The following GRIP1 variants were observed in gnomAD, a reference collection of about 807,000 sequenced individuals.
The protein encoded by GRIP1 is glutamate receptor-interacting protein 1.
A neutral mutation model predicts 129.9 loss-of-function variants in GRIP1; 45 were observed. That is an observed-to-expected ratio of 0.35 (90% confidence interval 0.27 to 0.44). The LOEUF is 0.44. Among genes scored for constraint, GRIP1 ranks in the 20% least tolerant of loss-of-function variants. GRIP1 has a pLI of 1.00. For synonymous variants in GRIP1, 530 were observed against 520.8 expected (o/e 1.02, Z -0.24); for missense variants, 1,196 against 1,396.8 (o/e 0.86, Z 2.29).
At chr12:66,952,608 T>C (rs2041775635) in intron 1 of GRIP1, among the ~76,000 whole-genome samples, 1 of 152,226 alleles carries the variant, frequency 6.6e-6, no homozygotes, top group Non-Finnish European at 1.5e-5. Flanking sequence ...CTCTTAGCTA[T>C]GGTAAAACAG....
chr12:66,918,438 G>C (rs191809299), intron 1 of GRIP1, among the ~76,000 whole-genome samples: 4 of 152,234 alleles, frequency 2.6e-5, no homozygotes, highest in African/African-American at 9.6e-5. Context: ...ACCCTCATGA[G>C]AACACTAGAA....
chr12:66,694,237 T>A (rs2035075789), intron 1 of GRIP1, among the ~76,000 whole-genome samples: 1 of 152,198 alleles, frequency 6.6e-6, no homozygotes. Context: ...ATCCCTGACA[T>A]GGGCTAAGCA....
At chr12:67,066,888 T>TTTTTATATATATATATA (rs59891449) in intron 1 of GRIP1, among the ~76,000 whole-genome samples, 1 of 125,662 alleles carries the variant, frequency 8.0e-6, no homozygotes, top group Non-Finnish European at 1.6e-5. Context: ...AAATATATAT[T>TTTTTATATATATATATA]TATATATATA....
At chr12:66,349,764 T>C (rs1166525488) in intron 24 of GRIP1, among the ~76,000 whole-genome samples, 4 of 151,906 alleles carry the variant, frequency 2.6e-5, no homozygotes, top group African/African-American at 9.6e-5. Context: ...GGAGGATCGC[T>C]TGATGCCAGG....
At chr12:66,927,041 C>T (rs1044757883) in intron 1 of GRIP1, among the ~76,000 whole-genome samples, 1 of 152,170 alleles carries the variant, frequency 6.6e-6, no homozygotes, top group East Asian at 1.9e-4. Flanking sequence ...AGGGCTTCTA[C>T]GACATAGACA....
At chr12:66,529,032 A>G (rs575877944) in intron 5 of GRIP1, among the ~76,000 whole-genome samples, 3 of 151,954 alleles carry the variant, frequency 2.0e-5, no homozygotes, top group Non-Finnish European at 3.0e-5. Context: ...GCCAACAAAC[A>G]TATGAAAAAA....
At chr12:66,885,224 C>T (rs2464269) in intron 1 of GRIP1, among the ~76,000 whole-genome samples, 69,314 of 151,898 alleles carry the variant, frequency 0.46, 16,959 homozygotes, top group Middle Eastern at 0.65. Context: ...CTCACGCCCA[C>T]GAAAGAAGGC....
chr12:66,577,503 T>C (rs114745271), intron 2 of GRIP1, among the ~76,000 whole-genome samples: 2,295 of 152,334 alleles, frequency 0.015, 63 homozygotes, highest in African/African-American at 0.053. Flanking sequence ...TTCCACTCTA[T>C]CATTCTATTT....
intron 1 of GRIP1, among the ~76,000 whole-genome samples, chr12:66,911,983 T>A (rs555514413): frequency 6.6e-6 from 1 of 152,334 alleles, no homozygotes; most frequent in African/African-American, 2.4e-5. Flanking sequence ...GAAAAAGTAA[T>A]TACATCAATC....
At chr12:66,938,425 A>C (rs572949156) in intron 1 of GRIP1, among the ~76,000 whole-genome samples, 4 of 152,316 alleles carry the variant, frequency 2.6e-5, no homozygotes, top group African/African-American at 9.6e-5. Context: ...GCTAAATAAA[A>C]CACATAATTA....
At position 66,452,919 on chromosome 12, in the gene GRIP1, A is replaced by T. The variant is rs1036656242; in HGVS notation, c.1354+2490T>A. Among the ~76,000 whole-genome samples the T allele has an allele frequency of 5.9e-5, 9 of 152,314 alleles. No individual in the cohort carries two copies. The East Asian group carries it at 1.2e-3, about 20-fold the overall frequency. ...TTTCAGGTCTTTTTGAAGTGTGAATAAAAGTTCATAGCATTTTGGAATTTA... is the reference window on the plus strand; with the variant it reads ...TTTCAGGTCTTTTTGAAGTGTGAATTAAAGTTCATAGCATTTTGGAATTTA... On this transcript the variant is annotated intron_variant, in intron 11 of 24. Transcript: ENST00000359742.
chr12:66,880,396 G>A (rs1488694426), intron 1 of GRIP1, among the ~76,000 whole-genome samples: 1 of 152,100 alleles, frequency 6.6e-6, no homozygotes, highest in Non-Finnish European at 1.5e-5. Flanking sequence ...CATGCTAAAT[G>A]GAGGATGTAG....
chr12:66,837,989 T>A (rs543214671), intron 1 of GRIP1, among the ~76,000 whole-genome samples: 1 of 152,166 alleles, frequency 6.6e-6, no homozygotes, highest in South Asian at 2.1e-4. Context: ...AGGTCAGGAG[T>A]TCGCGACCAG....
rs1451125807 is a variant in GRIP1, at chr12:66,533,877, A to T, written c.419-3963T>A. ...CACACACACACTCACACACACACACACATACACACACTCTCTCTCTCTCTC... is the reference window on the plus strand; with the variant it reads ...CACACACACACTCACACACACACACTCATACACACACTCTCTCTCTCTCTC... On this transcript the variant is annotated intron_variant, in intron 4 of 24. Coordinates refer to ENST00000359742, the MANE Select transcript of GRIP1 (RefSeq NM_001366722.1). Among the ~76,000 whole-genome samples the T allele has an allele frequency of 8.4e-4, 119 of 142,262 alleles. No individual in the cohort carries two copies. The East Asian group carries it at 9.2e-3, about 11-fold the overall frequency. The allele number at this position is 142,262 out of a possible 152,430, so 93.3% of individuals were successfully genotyped here. A position where few individuals can be genotyped will look rare whatever the true frequency, so the allele number is the denominator to read the frequency against.
At chr12:66,924,351 T>C (rs10878534) in intron 1 of GRIP1, among the ~76,000 whole-genome samples, 67,699 of 152,014 alleles carry the variant, frequency 0.45, 16,422 homozygotes, top group African/African-American at 0.64. Flanking sequence ...TAAACAAATT[T>C]CATTTAAAAT....
intron 1 of GRIP1, among the ~76,000 whole-genome samples, chr12:66,600,494 A>G (rs1164193053): frequency 6.6e-6 from 1 of 152,232 alleles, no homozygotes; most frequent in Non-Finnish European, 1.5e-5. Context: ...CATTTATTGT[A>G]ATCAAAGAAC....
At chr12:66,976,758 G>C (rs1386740207) in intron 1 of GRIP1, among the ~76,000 whole-genome samples, 1 of 152,168 alleles carries the variant, frequency 6.6e-6, no homozygotes, top group East Asian at 1.9e-4. Context: ...CTGGCCAAAA[G>C]AGTATTTCAT....
Position 66,997,871 on chromosome 12 carries a change from C to T in GRIP1, c.58+71179G>A, listed in dbSNP as rs146689864. 5.8e-3 allele frequency among the ~76,000 whole-genome samples: 884 copies of T among 152,176 alleles called. 3 individuals are homozygous for T. The highest frequency in any genetic ancestry group is 9.6e-3 in the Non-Finnish European group (650 of 67,990). On this transcript the variant is annotated intron_variant, in intron 1 of 1. Transcript: ENST00000643019. ...AAATGTATGCTTTTGTTAATCACATCACACAGCTTTCAAAAGATATACTAA... is the reference window on the plus strand; with the variant it reads ...AAATGTATGCTTTTGTTAATCACATTACACAGCTTTCAAAAGATATACTAA...
intron 14 of GRIP1, among the ~76,000 whole-genome samples, chr12:66,430,856 A>G (rs1055630598): frequency 6.6e-6 from 1 of 152,212 alleles, no homozygotes; most frequent in African/African-American, 2.4e-5. Context: ...AGCAGGAAGC[A>G]TCTAGAAGGA....
Sources: gnomAD v4.1 joint callset for allele counts (sites outside exome capture counted in the v4.1 genomes callset) on GRCh38, gnomAD v4.1.1 for gene constraint, MANE v1.5 for transcripts, NCBI Gene and HGNC (gene_info 2026-07-23, HGNC 2026-07-21) for gene names.